Variants in C1GALT1 observed in about 807,000 individuals in gnomAD.
C1GALT1 encodes the protein core 1 synthase, glycoprotein-N-acetylgalactosamine 3-beta-galactosyltransferase 1.
Under a neutral mutation model 31.0 loss-of-function variants are expected in C1GALT1, and 11 were observed. The observed-to-expected ratio is 0.36, with a 90% confidence interval of 0.22 to 0.59. The LOEUF (loss-of-function observed/expected upper bound fraction) is 0.59, where lower values mean the gene tolerates loss of function less well. Ranked by LOEUF, C1GALT1 falls within the 20% of genes least tolerant of loss-of-function variation. C1GALT1 has a pLI of 0.79. For synonymous variants in C1GALT1, 175 were observed against 143.6 expected (o/e 1.22, Z -1.56); for missense variants, 424 against 425.2 (o/e 1.00, Z 0.03).
intron 1 of C1GALT1, among the ~76,000 whole-genome samples, chr7:7,184,455 T>G (rs551110365): frequency 3.3e-5 from 5 of 152,340 alleles, no homozygotes; most frequent in African/African-American, 9.6e-5. Context: ...CTACGTTGAG[T>G]AAATTCAATA....
chr7:7,193,536 C>T (rs1781162253), intron 1 of C1GALT1, among the ~76,000 whole-genome samples: 1 of 152,120 alleles, frequency 6.6e-6, no homozygotes, highest in Admixed American at 6.6e-5. Flanking sequence ...TATACCAGTA[C>T]CATGCTGTTT....
At chr7:7,176,985 TG>T (rs1562554445) in intron 2 of C1GALT1, among the ~76,000 whole-genome samples, 1 of 152,194 alleles carries the variant, frequency 6.6e-6, no homozygotes, top group African/African-American at 2.4e-5. Flanking sequence ...GGAAATGAGG[TG>T]CAAGAAGCTC....
intron 2 of C1GALT1, among the ~76,000 whole-genome samples, chr7:7,166,868 G>A (rs528629527): frequency 6.6e-6 from 1 of 152,336 alleles, no homozygotes; most frequent in Non-Finnish European, 1.5e-5. Context: ...CCTAGACTGA[G>A]TTCTTCCTTC....
At position 7,186,828 on chromosome 7, in the gene C1GALT1, C is replaced by T. The variant is rs569294806; in HGVS notation, c.-18+4008C>T. Reference sequence around the variant, plus strand: ...CTGCTGTTTGTTCATTTTTGACCTACAAAAACACCAAATACTGGGGAGAAG... The same window carrying T: ...CTGCTGTTTGTTCATTTTTGACCTATAAAAACACCAAATACTGGGGAGAAG... On this transcript the variant is annotated intron_variant, in intron 1 of 3. Transcript: ENST00000436587. 5.3e-5 allele frequency among the ~76,000 whole-genome samples: 8 copies of T among 152,248 alleles called. No homozygotes were observed. In the East Asian group the frequency reaches 1.5e-3, roughly 29 times the overall value.
At chr7:7,226,788 G>A (rs375288865) in intron 1 of C1GALT1, among the ~76,000 whole-genome samples, 3 of 152,064 alleles carry the variant, frequency 2.0e-5, no homozygotes, top group Non-Finnish European at 4.4e-5. Context: ...TGTTGAGCAT[G>A]GAATCTAGTT....
intron 2 of C1GALT1, among the ~76,000 whole-genome samples, chr7:7,177,077 G>A (rs530758454): frequency 3.3e-5 from 5 of 152,132 alleles, no homozygotes; most frequent in Admixed American, 3.3e-4. Flanking sequence ...TATCTAATTA[G>A]GCCAGTAGTT....
intron 1 of C1GALT1, among the ~76,000 whole-genome samples, chr7:7,192,534 A>T (rs1373876730): frequency 6.6e-6 from 1 of 151,920 alleles, no homozygotes; most frequent in African/African-American, 2.4e-5. Context: ...TACATACCAC[A>T]TTTTCTTTAT....
At chr7:7,168,466 T>A (rs1357305555) in intron 2 of C1GALT1, among the ~76,000 whole-genome samples, 1 of 152,162 alleles carries the variant, frequency 6.6e-6, no homozygotes, top group Non-Finnish European at 1.5e-5. Context: ...GAAAGAGAAC[T>A]AATTGGAAAA....
upstream of C1GALT1, among the ~76,000 whole-genome samples, chr7:7,179,217 T>G (rs1780541744): frequency 6.6e-6 from 1 of 152,240 alleles, no homozygotes; most frequent in South Asian, 2.1e-4. Flanking sequence ...TGGCATGTTT[T>G]ATAGTCTCCC....
chr7:7,213,801 T>C (rs7799430), intron 1 of C1GALT1, among the ~76,000 whole-genome samples: 6,214 of 152,304 alleles, frequency 0.041, 285 homozygotes, highest in African/African-American at 0.12. Flanking sequence ...TTTTATAACC[T>C]TTTTACTAAA....
At chr7:7,207,957 A>G (rs939311261) in intron 1 of C1GALT1, among the ~76,000 whole-genome samples, 5 of 152,208 alleles carry the variant, frequency 3.3e-5, no homozygotes, top group Admixed American at 6.5e-5. Flanking sequence ...GTTATGGTCA[A>G]CAGTGGTCCA....
intron 2 of C1GALT1, among the ~76,000 whole-genome samples, chr7:7,237,550 C>T (rs73045787): frequency 2.7e-3 from 414 of 152,308 alleles, no homozygotes; most frequent in Non-Finnish European, 4.8e-3. Flanking sequence ...TTAAAGAGCA[C>T]TGCTCTAGAC....
upstream of C1GALT1, among the ~76,000 whole-genome samples, chr7:7,181,213 G>GTTGCGGAAAAGTGGAAGGATA (rs1780577227): frequency 7.2e-6 from 1 of 138,242 alleles, no homozygotes; most frequent in Non-Finnish European, 1.6e-5. Context: ...GTGGAAGGAT[G>GTTGCGGAAAAGTGGAAGGATA]TTGCGGAAAG....
At chr7:7,162,232 A>G (rs1780341468) in intron 2 of C1GALT1, among the ~76,000 whole-genome samples, 1 of 149,460 alleles carries the variant, frequency 6.7e-6, no homozygotes, top group Non-Finnish European at 1.5e-5. Context: ...GTCATGTAGC[A>G]TTAGGTATAT....
intron 1 of C1GALT1, among the ~76,000 whole-genome samples, chr7:7,199,309 CA>C (rs1233170375): frequency 1.3e-5 from 2 of 152,206 alleles, no homozygotes; most frequent in African/African-American, 4.8e-5. Flanking sequence ...GATAGTCATT[CA>C]GGGGCAGGTT....
intron 2 of C1GALT1, chr7:7,235,020 A>G (rs1676270805): frequency 3.3e-5 from 5 of 152,702 alleles, no homozygotes; most frequent in Admixed American, 3.3e-4. Context: ...ATGCGTTCTA[A>G]AGACTTCATT....
intron 2 of C1GALT1, among the ~76,000 whole-genome samples, chr7:7,167,428 C>A (rs944160484): frequency 6.6e-6 from 1 of 152,120 alleles, no homozygotes; most frequent in African/African-American, 2.4e-5. Flanking sequence ...CTGCACATTA[C>A]ACATCACATA....
intron 1 of C1GALT1, among the ~76,000 whole-genome samples, chr7:7,226,806 G>C (rs973164849): frequency 1.3e-5 from 2 of 152,268 alleles, no homozygotes; most frequent in Admixed American, 6.5e-5. Context: ...GTTTAATGTA[G>C]ATCCAGGATT....
chr7:7,173,696 G>C (rs1321614905), intron 2 of C1GALT1, among the ~76,000 whole-genome samples: 3 of 152,176 alleles, frequency 2.0e-5, no homozygotes, highest in African/African-American at 4.8e-5. Context: ...AAGCTCAGGA[G>C]TTGAAGACCA....
Sources: gnomAD v4.1 joint callset for allele counts (sites outside exome capture counted in the v4.1 genomes callset) on GRCh38, gnomAD v4.1.1 for gene constraint, MANE v1.5 for transcripts, NCBI Gene and HGNC (gene_info 2026-07-23, HGNC 2026-07-21) for gene names.